The following NBAS variants were observed in gnomAD, a reference collection of about 807,000 sequenced individuals.
NBAS encodes NAG/BC035112 fusion.
In NBAS, 219 loss-of-function variants were observed where a neutral mutation model predicts 302.5. The ratio of observed to expected loss-of-function variants is 0.72; its 90% CI spans 0.65 to 0.81. The LOEUF (loss-of-function observed/expected upper bound fraction) is 0.81. Among genes scored for constraint, NBAS ranks in the 30% least tolerant of loss-of-function variants. The pLI, the probability that NBAS is intolerant of heterozygous loss-of-function variation, is 0.00. For synonymous variants in NBAS, 1,118 were observed against 1,021.6 expected (o/e 1.09, Z -1.80); for missense variants, 2,932 against 2,841.6 (o/e 1.03, Z -0.72).
the NBAS span, among the ~76,000 whole-genome samples, chr2:14,998,965 T>G: frequency 6.6e-6 from 1 of 152,284 alleles, no homozygotes; most frequent in Non-Finnish European, 1.5e-5. Flanking sequence ...AATGTTCAGG[T>G]GAGCATACAA....
At chr2:15,164,882 T>C (rs1416621248), downstream of NBAS, among the ~76,000 whole-genome samples, 1 of 152,192 alleles carries the variant, frequency 6.6e-6, no homozygotes, top group Non-Finnish European at 1.5e-5. Context: ...ATTTGGTTTC[T>C]AGTAAACGAG....
chr2:15,477,516 C>A (rs1680243518), intron 13 of NBAS, among the ~76,000 whole-genome samples: 1 of 152,144 alleles, frequency 6.6e-6, no homozygotes, highest in African/African-American at 2.4e-5. Flanking sequence ...CTGCCTTGGC[C>A]TCCCAAAATG....
At chr2:15,398,453 T>C (rs975427939) in intron 26 of NBAS, among the ~76,000 whole-genome samples, 1 of 152,164 alleles carries the variant, frequency 6.6e-6, no homozygotes, top group African/African-American at 2.4e-5. Context: ...ATTTTTGAAA[T>C]TATCATTTTA....
the NBAS span, among the ~76,000 whole-genome samples, chr2:15,099,752 A>G: frequency 6.6e-6 from 1 of 152,248 alleles, no homozygotes; most frequent in South Asian, 2.1e-4. Flanking sequence ...CTAAGCAGAC[A>G]TACATTGGAC....
At chr2:15,030,611 T>C in the NBAS span, among the ~76,000 whole-genome samples, 2 of 152,236 alleles carry the variant, frequency 1.3e-5, no homozygotes, top group South Asian at 4.2e-4. Flanking sequence ...CAGTGCCGTG[T>C]GTGTGAGGTT....
intron 47 of NBAS, among the ~76,000 whole-genome samples, chr2:15,221,185 C>T (rs759365306): frequency 2.6e-5 from 4 of 152,114 alleles, no homozygotes; most frequent in African/African-American, 7.2e-5. Context: ...ATGGGTCTAA[C>T]GGGAAGACCG....
At chr2:15,131,422 T>G in the NBAS span, among the ~76,000 whole-genome samples, 1 of 152,230 alleles carries the variant, frequency 6.6e-6, no homozygotes, top group Non-Finnish European at 1.5e-5. Flanking sequence ...TGCTTCATCC[T>G]AGCTCTGTGA....
intron 19 of NBAS, among the ~76,000 whole-genome samples, chr2:15,465,086 TAGTTA>T (rs1035373437): frequency 2.6e-5 from 4 of 152,138 alleles, no homozygotes; most frequent in African/African-American, 9.7e-5. Context: ...GGCTGACAAA[TAGTTA>T]AGTCCTCAAA....
chr2:14,796,635 C>T, the NBAS span, among the ~76,000 whole-genome samples: 4 of 151,918 alleles, frequency 2.6e-5, no homozygotes, highest in Admixed American at 6.6e-5. Flanking sequence ...CAGATAGAGG[C>T]GGGTCCCTGG....
the NBAS span, among the ~76,000 whole-genome samples, chr2:14,946,950 T>C: frequency 0.14 from 21,855 of 151,906 alleles, 2,037 homozygotes; most frequent in African/African-American, 0.27. Context: ...TAGAAGAAAA[T>C]TTTAAAGTTT....
chr2:15,018,225 C>T, the NBAS span, among the ~76,000 whole-genome samples: 2 of 151,976 alleles, frequency 1.3e-5, no homozygotes, highest in African/African-American at 2.4e-5. Flanking sequence ...TAGTGTTTTA[C>T]ACCACTGTAG....
the NBAS span, among the ~76,000 whole-genome samples, chr2:15,057,889 C>T: frequency 1.2e-4 from 19 of 152,138 alleles, no homozygotes; most frequent in South Asian, 1.0e-3. Context: ...AACATGCGTG[C>T]GAAATATCTC....
chr2:14,999,739 T>A, the NBAS span, among the ~76,000 whole-genome samples: 1 of 152,214 alleles, frequency 6.6e-6, no homozygotes, highest in African/African-American at 2.4e-5. Context: ...TTCATAGCAA[T>A]GTGAGAATGG....
chr2:15,531,219 A>T (rs1333173625), intron 9 of NBAS, among the ~76,000 whole-genome samples: 1 of 152,194 alleles, frequency 6.6e-6, no homozygotes, highest in Non-Finnish European at 1.5e-5. Context: ...ACCAAGAAAG[A>T]AAAAAACAAA....
chr2:15,551,183 C>A (rs1471543054), intron 6 of NBAS, among the ~76,000 whole-genome samples: 2 of 152,054 alleles, frequency 1.3e-5, no homozygotes, highest in African/African-American at 4.8e-5. Context: ...TAGTCTGTAT[C>A]TAACTCTTGA....
the NBAS span, among the ~76,000 whole-genome samples, chr2:14,908,922 T>C: frequency 2.6e-5 from 4 of 152,056 alleles, no homozygotes; most frequent in Admixed American, 2.6e-4. Context: ...CCCTAGGGAA[T>C]TGTAGAAAGA....
chr2:15,186,590 T>G, intron 50 of NBAS, 152 bp downstream of exon 50: 3 of 1,173,924 alleles, frequency 2.6e-6, no homozygotes, highest in Non-Finnish European at 3.7e-6. Context: ...TCAGCACTGC[T>G]TTTCTTCATC....
chr2:15,113,327 G>GTGTT, the NBAS span, among the ~76,000 whole-genome samples: 1 of 130,832 alleles, frequency 7.6e-6, no homozygotes, highest in Non-Finnish European at 1.6e-5. Context: ...ACTCGTGTGT[G>GTGTT]TGTGTGTGTG....
chr2:14,866,977 G>A, the NBAS span, among the ~76,000 whole-genome samples: 1 of 152,102 alleles, frequency 6.6e-6, no homozygotes, highest in East Asian at 1.9e-4. Context: ...AATAATATAT[G>A]CCTGACTTTT....
Sources: allele counts gnomAD v4.1 joint callset (sites outside exome capture counted in the v4.1 genomes callset), GRCh38; gene constraint gnomAD v4.1.1; transcripts MANE v1.5; gene names NCBI Gene and HGNC (gene_info 2026-07-23, HGNC 2026-07-21).